DSCAM: variants seen among roughly 807,000 people sequenced by gnomAD.
DSCAM encodes DS cell adhesion molecule.
DSCAM carries 47 observed loss-of-function variants against 217.7 expected under a neutral mutation model. The ratio of observed to expected loss-of-function variants is 0.22; its 90% CI spans 0.17 to 0.28. DSCAM has a LOEUF of 0.28. DSCAM is among the 10% of genes least tolerant of loss of function. DSCAM has a pLI of 1.00. For missense variants in DSCAM, 2,080 were observed against 2,618.3 expected (o/e 0.79, Z 4.49); for synonymous variants, 1,056 against 1,015.3 (o/e 1.04, Z -0.76).
At chr21:40,193,978 C>T (rs1042168878) in intron 11 of DSCAM, among the ~76,000 whole-genome samples, 6 of 152,204 alleles carry the variant, frequency 3.9e-5, no homozygotes, top group Non-Finnish European at 7.3e-5. Flanking sequence ...GAACTGTTCT[C>T]CAAAAACTGC....
chr21:40,108,371 G>C (rs2089848881), intron 20 of DSCAM, among the ~76,000 whole-genome samples: 1 of 152,124 alleles, frequency 6.6e-6, no homozygotes, highest in South Asian at 2.1e-4. Context: ...GTCAAGCTGA[G>C]AGCCAAATCA....
intron 30 of DSCAM, among the ~76,000 whole-genome samples, chr21:40,049,934 G>A (rs1482369667): frequency 6.6e-6 from 1 of 152,220 alleles, no homozygotes; most frequent in African/African-American, 2.4e-5. Context: ...AACTATTTAT[G>A]ACTAGCTTTA....
intron 3 of DSCAM, among the ~76,000 whole-genome samples, chr21:40,669,953 A>C (rs953281581): frequency 1.3e-5 from 2 of 151,844 alleles, no homozygotes; most frequent in Non-Finnish European, 2.9e-5. Context: ...ATAATAAAAA[A>C]AAAAGTCCAA....
intron 32 of DSCAM, among the ~76,000 whole-genome samples, chr21:40,040,885 G>A (rs905774272): frequency 6.6e-6 from 1 of 151,668 alleles, no homozygotes; most frequent in African/African-American, 2.4e-5. Flanking sequence ...CATTTATCCT[G>A]CATTTTTCTC....
At chr21:40,563,581 G>T (rs1179263486) in intron 3 of DSCAM, among the ~76,000 whole-genome samples, 1 of 76,370 alleles carries the variant, frequency 1.3e-5, no homozygotes, top group Non-Finnish European at 2.8e-5. Flanking sequence ...ATAGTTATAT[G>T]TTTATATGTT....
At chr21:40,732,702 T>G (rs142618541) in intron 1 of DSCAM, among the ~76,000 whole-genome samples, 2 of 152,200 alleles carry the variant, frequency 1.3e-5, no homozygotes, top group Non-Finnish European at 2.9e-5. Flanking sequence ...ACTAGAAAAG[T>G]CTAGCCTGAA....
intron 3 of DSCAM, among the ~76,000 whole-genome samples, chr21:40,648,400 C>T (rs1000297458): frequency 3.3e-5 from 5 of 152,000 alleles, no homozygotes; most frequent in African/African-American, 1.2e-4. Flanking sequence ...CCCAAGCTGA[C>T]GTCCGTGGCT....
At chr21:40,476,388 T>C (rs1694976165) in intron 3 of DSCAM, among the ~76,000 whole-genome samples, 2 of 152,232 alleles carry the variant, frequency 1.3e-5, no homozygotes, top group African/African-American at 4.8e-5. Flanking sequence ...TATAAGGCTT[T>C]AATTTTTAGA....
chr21:40,077,991 G>GCTC (rs2089393226), intron 26 of DSCAM, among the ~76,000 whole-genome samples: 2 of 152,206 alleles, frequency 1.3e-5, no homozygotes, highest in Admixed American at 6.5e-5. Flanking sequence ...TCGAGGACTC[G>GCTC]CTCCTTTCAG....
intron 6 of DSCAM, among the ~76,000 whole-genome samples, chr21:40,340,495 C>A (rs1262609568): frequency 6.6e-6 from 1 of 152,138 alleles, no homozygotes; most frequent in Non-Finnish European, 1.5e-5. Flanking sequence ...GGTCAGCCAG[C>A]CTCAGGCATA....
At chr21:40,317,665 G>A (rs745408202) in intron 8 of DSCAM, among the ~76,000 whole-genome samples, 3 of 152,064 alleles carry the variant, frequency 2.0e-5, no homozygotes, top group Non-Finnish European at 4.4e-5. Context: ...AAGTAGCTGG[G>A]ATTACAGGCA....
chr21:40,563,817 T>C (rs1202893453), intron 3 of DSCAM, among the ~76,000 whole-genome samples: 3 of 147,328 alleles, frequency 2.0e-5, no homozygotes, highest in African/African-American at 5.1e-5. Flanking sequence ...TGTGTATATA[T>C]AGTTATATGT....
chr21:40,144,753 A>G lies in DSCAM; in HGVS notation c.3019-22T>C, dbSNP rs780410613. ...GAGCCTAAACAGGAGAGAAAAGAACACACTAAAGAAGTCTTGAGGTAGGAC... is the reference window on the plus strand; with the variant it reads ...GAGCCTAAACAGGAGAGAAAAGAACGCACTAAAGAAGTCTTGAGGTAGGAC... On this transcript the variant is annotated intron_variant, in intron 16 of 32. Transcript: ENST00000400454. This position sits in a 1 kb window ranked among gnomAD's most constrained non-coding sequence, Gnocchi z 4.8. 21 of 1,613,604 alleles carry G rather than the reference A, an allele frequency of 1.3e-5. No individual in the cohort carries two copies. Among genetic ancestry groups the G allele is most frequent in the Non-Finnish European group, 1.8e-5 (21 of 1,179,898 alleles).
chr21:40,020,519 G>T (rs1366566763), intron 32 of DSCAM, among the ~76,000 whole-genome samples: 2 of 150,378 alleles, frequency 1.3e-5, no homozygotes, highest in Non-Finnish European at 2.9e-5. Context: ...AGTGTGGTGT[G>T]TGTGTGTGTG....
chr21:40,287,107 TGTGATCTCAAG>T (rs1256463706), intron 10 of DSCAM, among the ~76,000 whole-genome samples: 2 of 151,904 alleles, frequency 1.3e-5, no homozygotes, highest in African/African-American at 4.8e-5. Context: ...TGATCCACAG[TGTGATCTCAAG>T]GTGGTCTGCA....
At chr21:40,257,104 T>C (rs2073382790) in intron 11 of DSCAM, among the ~76,000 whole-genome samples, 1 of 152,156 alleles carries the variant, frequency 6.6e-6, no homozygotes, top group Admixed American at 6.5e-5. Flanking sequence ...GATAATGGGA[T>C]AAGAGAGGAA....
intron 26 of DSCAM, among the ~76,000 whole-genome samples, chr21:40,076,996 G>A (rs1304587784): frequency 1.3e-5 from 2 of 152,186 alleles, no homozygotes; most frequent in African/African-American, 4.8e-5. Context: ...GGAGAGGCCA[G>A]CTTGGAAGTG....
intron 1 of DSCAM, among the ~76,000 whole-genome samples, chr21:40,809,086 C>A (rs1290385912): frequency 3.9e-5 from 6 of 152,084 alleles, no homozygotes; most frequent in Non-Finnish European, 8.8e-5. Flanking sequence ...TAGGGCAGGA[C>A]AGGGGTCTCA....
At chr21:40,182,669 C>CGGGGGGGGGGGTT in intron 14 of DSCAM, among the ~76,000 whole-genome samples, 1 of 17,746 alleles carries the variant, frequency 5.6e-5, no homozygotes, top group African/African-American at 3.0e-4. Context: ...AAACCGTGGA[C>CGGGGGGGGGGGTT]AGGGGGGGGT....
Sources: gnomAD v4.1 joint callset for allele counts (sites outside exome capture counted in the v4.1 genomes callset) on GRCh38, gnomAD v4.1.1 for gene constraint, Gnocchi (gnomAD v3.1) non-coding constraint, MANE v1.5 for transcripts, NCBI Gene and HGNC (gene_info 2026-07-23, HGNC 2026-07-21) for gene names.